The following TOMM70 variants were observed in gnomAD, a reference collection of about 807,000 sequenced individuals.
The protein encoded by TOMM70 is mitochondrial import receptor subunit TOM70.
TOMM70 carries 13 observed loss-of-function variants against 73.6 expected under a neutral mutation model. That is an observed-to-expected ratio of 0.18 (90% CI 0.11 to 0.28). The LOEUF (loss-of-function observed/expected upper bound fraction) is 0.28, where lower values mean the gene tolerates loss of function less well. Ranked by LOEUF, TOMM70 falls within the 10% of genes least tolerant of loss-of-function variation. The pLI, the probability that TOMM70 is intolerant of heterozygous loss-of-function variation, is 1.00. For missense variants in TOMM70, 609 were observed against 747.5 expected (o/e 0.81, Z 2.16); for synonymous variants, 257 against 271.2 (o/e 0.95, Z 0.51).
intron 6 of TOMM70, among the ~76,000 whole-genome samples, chr3:100,376,301 T>C (rs116271215): frequency 0.015 from 2,276 of 152,124 alleles, 26 homozygotes; most frequent in African/African-American, 0.039. Context: ...AGATATATGA[T>C]TTGTGAATAT....
At chr3:100,378,802 C>T (rs964892348) in intron 5 of TOMM70, among the ~76,000 whole-genome samples, 2 of 152,022 alleles carry the variant, frequency 1.3e-5, no homozygotes, top group African/African-American at 2.4e-5. Context: ...GTCAGGAGAT[C>T]GAGACCATCC....
rs1023651156 is a variant in TOMM70, at chr3:100,378,285, G to A, written c.885-373C>T. Among the ~76,000 whole-genome samples, 41 of 151,672 alleles carry A rather than the reference G, an allele frequency of 2.7e-4. 1 individual carries two copies. The highest frequency in any genetic ancestry group is 2.9e-5 in the Non-Finnish European group (2 of 67,914). ...AAGAAAAGAAAAGAAAGAATTCAAT[G>A]TTAAAACATGCCACATTTGGCACAC... On this transcript the variant is annotated intron_variant, in intron 5 of 11. Transcript: ENST00000284320.
At chr3:100,376,712 A>G (rs1706570030) in intron 6 of TOMM70, among the ~76,000 whole-genome samples, 1 of 151,934 alleles carries the variant, frequency 6.6e-6, no homozygotes, top group Non-Finnish European at 1.5e-5. Flanking sequence ...TCTTACATTT[A>G]GGGCTCTAAT....
At chr3:100,372,902 C>T (rs1168473584) in intron 8 of TOMM70, among the ~76,000 whole-genome samples, 180 bp from the exon 9 acceptor site, 7 of 152,104 alleles carry the variant, frequency 4.6e-5, no homozygotes, top group Non-Finnish European at 8.8e-5. Context: ...AGGTTATGTA[C>T]AACTAGGACT....
Position 100,365,356 on chromosome 3 carries a change from G to T in TOMM70, c.*208C>A. 1 of 553,920 alleles carries T rather than the reference G, an allele frequency of 1.8e-6. No individual in the cohort carries two copies. The highest frequency in any genetic ancestry group is 4.1e-5 in the South Asian group (1 of 24,252). 34.3% of individuals were successfully genotyped at this position (553,920 alleles called of 1,614,324 possible). ...CTTTAACATGTTCTAATCTTTTGTTGCACAGGGAATAAAAGCTGCAAGACT... is the reference window on the plus strand; with the variant it reads ...CTTTAACATGTTCTAATCTTTTGTTTCACAGGGAATAAAAGCTGCAAGACT... On this transcript the variant is annotated 3_prime_UTR_variant, in exon 12 of 12. Transcript: ENST00000284320.
At chr3:100,396,014 G>T (rs1706821751) in intron 1 of TOMM70, among the ~76,000 whole-genome samples, 1 of 140,642 alleles carries the variant, frequency 7.1e-6, no homozygotes, top group Admixed American at 7.1e-5. Context: ...CTGGTATCAG[G>T]TTTTTTTTTT....
intron 3 of TOMM70, among the ~76,000 whole-genome samples, chr3:100,384,954 T>C (rs533100553): frequency 2.6e-5 from 4 of 152,298 alleles, no homozygotes; most frequent in South Asian, 4.1e-4. Flanking sequence ...CTCAGAGTTA[T>C]TCCCTGTCTC....
chr3:100,371,764 A>G (rs1335281204), intron 9 of TOMM70, among the ~76,000 whole-genome samples: 1 of 152,130 alleles, frequency 6.6e-6, no homozygotes, highest in African/African-American at 2.4e-5. Context: ...TAGGAGGAGG[A>G]GGGATGGTTT....
At position 100,400,884 on chromosome 3, in the gene TOMM70, C is replaced by T; in HGVS notation, c.66G>A (p.Gly22=). 7 of 1,530,198 alleles carry T rather than the reference C, an allele frequency of 4.6e-6. No homozygotes were observed. The highest frequency in any genetic ancestry group is 6.1e-6 in the Non-Finnish European group (7 of 1,145,306). The allele number at this position is 1,530,198 out of a possible 1,614,324, so 94.8% of individuals were successfully genotyped here. A position where few individuals can be genotyped will look rare whatever the true frequency, so the allele number is the denominator to read the frequency against. Residue 22 remains glycine, a synonymous_variant, in exon 1 of 12, where the codon GGG becomes GGA. Transcript: ENST00000284320. ...GGCCCGCAGTCCCGCCGCCGCCCAC[C>T]CCACTCCCGGAGCTCGGTACAGCGG... ...VAAAVPSSGS[G]VGGGGTAGPG... is the part of the protein sequence containing the mutation.
intron 6 of TOMM70, 108 bp from the exon 7 acceptor site, chr3:100,375,260 CT>C: frequency 7.4e-7 from 1 of 1,346,448 alleles, no homozygotes; most frequent in Non-Finnish European, 9.8e-7. Context: ...AAAGGTCACC[CT>C]TTTAAAGTAT....
intron 2 of TOMM70, 31 bp from the exon 3 acceptor site, chr3:100,386,375 A>C (rs1184213535): frequency 6.3e-7 from 1 of 1,581,060 alleles, no homozygotes; most frequent in Non-Finnish European, 8.6e-7. Context: ...AAAAAGTCAC[A>C]CTAAAGAAAG....
intron 1 of TOMM70, among the ~76,000 whole-genome samples, chr3:100,392,302 C>T (rs1167452143): frequency 1.3e-5 from 2 of 152,106 alleles, no homozygotes; most frequent in Non-Finnish European, 2.9e-5. Flanking sequence ...ACTGCATATA[C>T]ACACACACAT....
At chr3:100,382,491 G>A (rs1706644199) in intron 4 of TOMM70, among the ~76,000 whole-genome samples, 1 of 152,124 alleles carries the variant, frequency 6.6e-6, no homozygotes, top group African/African-American at 2.4e-5. Flanking sequence ...GGCACTCTCT[G>A]GGGAGAGATT....
intron 5 of TOMM70, among the ~76,000 whole-genome samples, chr3:100,379,646 T>C (rs1475394718): frequency 6.6e-6 from 1 of 152,150 alleles, no homozygotes; most frequent in African/African-American, 2.4e-5. Flanking sequence ...AGACAGAGTC[T>C]TGCTCTGTTC....
chr3:100,399,092 G>A (rs1329780993), intron 1 of TOMM70, among the ~76,000 whole-genome samples: 1 of 152,074 alleles, frequency 6.6e-6, no homozygotes, highest in Non-Finnish European at 1.5e-5. Context: ...GACCAGCCTG[G>A]CCAACACAGT....
At chr3:100,388,073 AAATT>A (rs1056287016) in intron 1 of TOMM70, among the ~76,000 whole-genome samples, 1 of 152,226 alleles carries the variant, frequency 6.6e-6, no homozygotes, top group African/African-American at 2.4e-5. Context: ...AAGCACATAT[AAATT>A]AATAGATGAA....
chr3:100,388,200 C>CA (rs1576216890), intron 1 of TOMM70, among the ~76,000 whole-genome samples: 2 of 152,148 alleles, frequency 1.3e-5, no homozygotes, highest in Admixed American at 6.5e-5. Context: ...CCAGGACTAA[C>CA]AGAGACTGCT....
At chr3:100,382,131 T>C (rs1380075461) in intron 4 of TOMM70, among the ~76,000 whole-genome samples, 1 of 152,204 alleles carries the variant, frequency 6.6e-6, no homozygotes, top group African/African-American at 2.4e-5. Flanking sequence ...ATTTGAGGCA[T>C]AGCCACCCAA....
At chr3:100,390,378 C>A (rs138125989) in intron 1 of TOMM70, among the ~76,000 whole-genome samples, 2 of 152,168 alleles carry the variant, frequency 1.3e-5, no homozygotes, top group Non-Finnish European at 2.9e-5. Flanking sequence ...TAGTCAATAA[C>A]AGACTGAATA....
Sources: allele counts gnomAD v4.1 joint callset (sites outside exome capture counted in the v4.1 genomes callset), GRCh38; gene constraint gnomAD v4.1.1; transcripts MANE v1.5; gene names NCBI Gene and HGNC (gene_info 2026-07-23, HGNC 2026-07-21).